The following ARFGEF2 variants were observed in gnomAD, a reference collection of about 807,000 sequenced individuals.
ARFGEF2 encodes brefeldin A-inhibited guanine nucleotide-exchange protein 2.
A neutral mutation model predicts 219.9 loss-of-function variants in ARFGEF2; 74 were observed. The ratio of observed to expected loss-of-function variants is 0.34; its 90% CI spans 0.28 to 0.41. The LOEUF (loss-of-function observed/expected upper bound fraction) is 0.41. ARFGEF2 is among the 10% of genes least tolerant of loss of function. The pLI is 1.00. For synonymous variants in ARFGEF2, 733 were observed against 799.2 expected (o/e 0.92, Z 1.40); for missense variants, 1,743 against 2,218.3 (o/e 0.79, Z 4.30).
At chr20:49,017,653 A>C in intron 33 of ARFGEF2, 103 bp downstream of exon 33, 2 of 1,144,882 alleles carry the variant, frequency 1.7e-6, no homozygotes, top group Non-Finnish European at 2.6e-6. Context: ...GAAGTGAGTA[A>C]AATTATAAGA....
intron 6 of ARFGEF2, among the ~76,000 whole-genome samples, chr20:48,960,516 T>C (rs1394891129): frequency 6.6e-6 from 1 of 151,532 alleles, no homozygotes; most frequent in African/African-American, 2.4e-5. Flanking sequence ...CGAGTTTTGC[T>C]CCTGTCGCCT....
Position 48,971,157 on chromosome 20 carries a change from CTG to C in ARFGEF2, c.1229_1230del (p.Leu410ProfsTer40). The part of the protein sequence containing the change: ...ELRSKVVSLQ[L>X]LLSVLQNAGP... ...GCGTTCCAAGGTGGTTTCCCTGCAG[CTG>C]CTCCTCTCTGTGTTGCAAAATGCTG... On this transcript the variant is annotated frameshift_variant, in exon 10 of 39. Coordinates refer to ENST00000371917, the MANE Select transcript of ARFGEF2 (RefSeq NM_006420.3). LOFTEE classifies it high-confidence loss of function. 1.2e-6 allele frequency: 2 copies of C among 1,614,198 alleles called. No individual in the cohort carries two copies. The highest frequency in any genetic ancestry group is 1.7e-6 in the Non-Finnish European group (2 of 1,180,042).
chr20:48,937,119 G>A (rs2090963286), intron 1 of ARFGEF2, among the ~76,000 whole-genome samples: 1 of 152,202 alleles, frequency 6.6e-6, no homozygotes, highest in South Asian at 2.1e-4. Flanking sequence ...GTGTGCTTCA[G>A]ACTGTGCCTT....
At chr20:48,992,194 G>A (rs1394294998) in intron 21 of ARFGEF2, among the ~76,000 whole-genome samples, 2 of 152,176 alleles carry the variant, frequency 1.3e-5, no homozygotes, top group African/African-American at 4.8e-5. Flanking sequence ...GAGATTGTGA[G>A]GCATTGTCTC....
chr20:49,008,538 G>A (rs1168806862), intron 26 of ARFGEF2, among the ~76,000 whole-genome samples: 3 of 148,432 alleles, frequency 2.0e-5, no homozygotes, highest in Admixed American at 6.7e-5. Context: ...ACTCCAGCCT[G>A]AATGACGAGA....
chr20:49,005,026 T>C, intron 25 of ARFGEF2, 44 bp from the exon 26 acceptor site: 1 of 1,613,554 alleles, frequency 6.2e-7, no homozygotes. Context: ...CGTCGGTCAT[T>C]ATTACACTAT....
At chr20:48,960,573 T>C (rs2091141544) in intron 6 of ARFGEF2, among the ~76,000 whole-genome samples, 1 of 151,682 alleles carries the variant, frequency 6.6e-6, no homozygotes, top group Non-Finnish European at 1.5e-5. Context: ...AACCTCCACC[T>C]CCCAGGTTCA....
intron 25 of ARFGEF2, among the ~76,000 whole-genome samples, chr20:49,004,655 G>A (rs969073904): frequency 6.6e-6 from 1 of 151,840 alleles, no homozygotes; most frequent in African/African-American, 2.4e-5. Context: ...ACAAAAATCA[G>A]CCGGCAGGCA....
intron 36 of ARFGEF2, among the ~76,000 whole-genome samples, chr20:49,026,003 A>G (rs2091599795): frequency 6.6e-6 from 1 of 150,954 alleles, no homozygotes. Flanking sequence ...AAAAAAGACA[A>G]ATTGAAAGTT....
At position 49,036,488 on chromosome 20, in the gene ARFGEF2, A is replaced by G. The variant is rs2091666708; in HGVS notation, c.*3289A>G. The stretch of plus-strand genomic sequence containing the variant: ...GTTAATAGTTACTTTGGTTTAACCT[A>G]TACACAATGATTAAGTGCATTTAAT... On this transcript the variant is annotated 3_prime_UTR_variant, in exon 39 of 39. Coordinates refer to ENST00000371917, the MANE Select transcript of ARFGEF2 (RefSeq NM_006420.3). 8.3e-6 allele frequency: 3 copies of G among 361,522 alleles called. No individual in the cohort carries two copies. The highest frequency in any genetic ancestry group is 9.2e-5 in the Admixed American group (2 of 21,768). The allele number at this position is 361,522 out of a possible 1,614,324, so 22.4% of individuals were successfully genotyped here. A position where few individuals can be genotyped will look rare whatever the true frequency, so the allele number is the denominator to read the frequency against.
chr20:49,026,760 A>G (rs1054894896), intron 36 of ARFGEF2, among the ~76,000 whole-genome samples: 7 of 151,586 alleles, frequency 4.6e-5, no homozygotes, highest in Non-Finnish European at 1.0e-4. Context: ...TAATTTTTAT[A>G]TTTTTAGTAG....
intron 8 of ARFGEF2, among the ~76,000 whole-genome samples, chr20:48,967,245 T>C (rs1379730725): frequency 2.0e-5 from 3 of 152,222 alleles, no homozygotes; most frequent in Non-Finnish European, 2.9e-5. Context: ...CTCAACACTA[T>C]ATGATGGGCA....
chr20:48,950,862 GCACACA>G (rs149975227), intron 3 of ARFGEF2, among the ~76,000 whole-genome samples: 6 of 95,506 alleles, frequency 6.3e-5, no homozygotes, highest in East Asian at 3.1e-4. Flanking sequence ...GTATATACAT[GCACACA>G]CACACACACA....
chr20:48,921,862 G>T lies in ARFGEF2; in HGVS notation c.-28G>T. On this transcript the variant is annotated 5_prime_UTR_variant, in exon 1 of 39. Coordinates refer to ENST00000371917, the MANE Select transcript of ARFGEF2 (RefSeq NM_006420.3). ...TCTCGCTCACGCCGCCCGCCCGCGG[G>T]GCCGTCAGCCCCCGCCGGGCCGGGG... 6.6e-7 allele frequency: 1 copy of T among 1,507,724 alleles called. No individual in the cohort carries two copies. The highest frequency in any genetic ancestry group is 8.9e-7 in the Non-Finnish European group (1 of 1,125,564). 93.4% of individuals were successfully genotyped at this position (1,507,724 alleles called of 1,614,324 possible).
chr20:49,035,845 A>C lies in ARFGEF2; in HGVS notation c.*2646A>C, dbSNP rs898798341. ...CTTAACAACAAACAGTGGATGGGTA[A>C]TTTTTATTTCTGATACGCATCTTTA... On this transcript the variant is annotated 3_prime_UTR_variant, in exon 39 of 39. Transcript: ENST00000371917. 4.2e-6 allele frequency: 1 copy of C among 236,630 alleles called. No homozygotes were observed. Among genetic ancestry groups the C allele is most frequent in the African/African-American group, 2.2e-5 (1 of 44,918 alleles). The allele number at this position is 236,630 out of a possible 1,614,324, so 14.7% of individuals were successfully genotyped here.
chr20:48,950,479 A>T (rs1197398262), intron 3 of ARFGEF2, among the ~76,000 whole-genome samples: 1 of 152,028 alleles, frequency 6.6e-6, no homozygotes, highest in African/African-American at 2.4e-5. Flanking sequence ...TAAAATTAAC[A>T]TGCATACAAT....
chr20:48,946,375 C>T (rs1018852489), intron 3 of ARFGEF2, among the ~76,000 whole-genome samples: 1 of 152,186 alleles, frequency 6.6e-6, no homozygotes, highest in South Asian at 2.1e-4. Context: ...ATTTGGTCTG[C>T]TACACGCTTC....
Position 48,969,084 on chromosome 20 carries a change from T to G in ARFGEF2, c.1060-63T>G. The stretch of plus-strand genomic sequence containing the variant: ...CAGTGGATCCTCCTGCCTCAGCCTC[T>G]GGAGTAGCTGGGACTACAGGTGGGT... On this transcript the variant is annotated intron_variant, in intron 8 of 38. Coordinates refer to ENST00000371917, the MANE Select transcript of ARFGEF2 (RefSeq NM_006420.3). 3 of 1,574,288 alleles carry G rather than the reference T, an allele frequency of 1.9e-6. No homozygotes were observed. The South Asian group carries it at 3.4e-5, about 18-fold the overall frequency.
At chr20:49,004,923 C>T (rs1013078074) in intron 25 of ARFGEF2, 147 bp from the exon 26 acceptor site, 3 of 902,040 alleles carry the variant, frequency 3.3e-6, no homozygotes, top group Non-Finnish European at 5.5e-6. Context: ...CAGATCATAG[C>T]CAAGAAATAG....
Sources: gnomAD v4.1 joint callset for allele counts (sites outside exome capture counted in the v4.1 genomes callset) on GRCh38, gnomAD v4.1.1 for gene constraint, MANE v1.5 for transcripts, NCBI Gene and HGNC (gene_info 2026-07-23, HGNC 2026-07-21) for gene names.